Variants in CWF19L2 observed in about 807,000 individuals in gnomAD.
The protein encoded by CWF19L2 is CWF19 like cell cycle control factor 2.
A neutral mutation model predicts 111.7 loss-of-function variants in CWF19L2; 98 were observed. That is an observed-to-expected ratio of 0.88 (90% CI 0.75 to 1.04). The LOEUF (loss-of-function observed/expected upper bound fraction) is 1.04. Among genes scored for constraint, CWF19L2 ranks in the 50% least tolerant of loss-of-function variants. The pLI is 0.00. For synonymous variants in CWF19L2, 351 were observed against 342.9 expected, an observed-to-expected ratio of 1.02 and a Z score of -0.26; for missense variants, 1,101 against 1,051.4, an observed-to-expected ratio of 1.05 and a Z score of -0.65.
intron 10 of CWF19L2, among the ~76,000 whole-genome samples, chr11:107,414,043 T>C (rs935163687): frequency 6.6e-6 from 1 of 152,302 alleles, no homozygotes; most frequent in South Asian, 2.1e-4. Context: ...ACCAGTTGTA[T>C]ACCTGGACAA....
At chr11:107,403,294 C>A in intron 10 of CWF19L2, 3 of 454,812 alleles carry the variant, frequency 6.6e-6, no homozygotes, top group South Asian at 2.8e-5. Context: ...CTTCAGAGTC[C>A]AGTCATTCTA....
intron 4 of CWF19L2, among the ~76,000 whole-genome samples, chr11:107,442,193 C>T (rs891337504): frequency 6.6e-6 from 1 of 152,044 alleles, no homozygotes; most frequent in African/African-American, 2.4e-5. Flanking sequence ...CTCTAAGGAA[C>T]GAGAATAGAG....
chr11:107,376,249 C>T (rs1236404694), intron 12 of CWF19L2, among the ~76,000 whole-genome samples: 1 of 101,990 alleles, frequency 9.8e-6, no homozygotes, highest in African/African-American at 4.7e-5. Flanking sequence ...AGGGAATCCT[C>T]CCTAACTCAT....
At chr11:107,373,623 T>C (rs147846169) in intron 12 of CWF19L2, among the ~76,000 whole-genome samples, 7 of 127,270 alleles carry the variant, frequency 5.5e-5, no homozygotes, top group South Asian at 2.8e-4. Flanking sequence ...CATCTGTACA[T>C]CACCATCATC....
intron 12 of CWF19L2, among the ~76,000 whole-genome samples, chr11:107,382,711 C>T (rs1860706666): frequency 6.6e-6 from 1 of 152,218 alleles, no homozygotes; most frequent in Non-Finnish European, 1.5e-5. Flanking sequence ...TGATTCATAA[C>T]TCCCATAGCT....
intron 12 of CWF19L2, among the ~76,000 whole-genome samples, chr11:107,376,980 CAGAG>C (rs1860609033): frequency 1.7e-4 from 1 of 5,892 alleles, no homozygotes; most frequent in Admixed American, 1.7e-3. Flanking sequence ...AACAGACAAA[CAGAG>C]AGCCAAATCA....
At chr11:107,339,470 T>C (rs1201834029) in intron 14 of CWF19L2, among the ~76,000 whole-genome samples, 1 of 152,158 alleles carries the variant, frequency 6.6e-6, no homozygotes, top group African/African-American at 2.4e-5. Context: ...AGCAATTCTG[T>C]TTCTCCATAT....
intron 14 of CWF19L2, among the ~76,000 whole-genome samples, chr11:107,348,018 A>G (rs1860106188): frequency 6.6e-6 from 1 of 152,148 alleles, no homozygotes; most frequent in East Asian, 1.9e-4. Flanking sequence ...ATCCACTACT[A>G]GGAAAACGCA....
chr11:107,407,830 C>G (rs901357994), intron 10 of CWF19L2, among the ~76,000 whole-genome samples: 1 of 151,956 alleles, frequency 6.6e-6, no homozygotes, highest in Non-Finnish European at 1.5e-5. Flanking sequence ...AAATACTGTT[C>G]ATAACACAAT....
At chr11:107,337,562 G>A (rs906708613) in intron 14 of CWF19L2, among the ~76,000 whole-genome samples, 1 of 152,114 alleles carries the variant, frequency 6.6e-6, no homozygotes, top group African/African-American at 2.4e-5. Context: ...GCTGAAGGCT[G>A]GATGCCAGAG....
At chr11:107,375,941 G>A (rs867829972) in intron 12 of CWF19L2, among the ~76,000 whole-genome samples, 1 of 85,152 alleles carries the variant, frequency 1.2e-5, no homozygotes, top group Non-Finnish European at 2.2e-5. Context: ...TATCACCACC[G>A]ATCCCACAGA....
In CWF19L2 at chr11:107,363,056, T is replaced by A. The variant is rs1030197538; in HGVS notation, c.1873-9320A>T. On this transcript the variant is annotated intron_variant, in intron 12 of 17. Transcript: ENST00000282251. ...AGCCTCAGGAGCTGATGAGATCAAC[T>A]GGAAGAAAGGGTATCAGCGATGGAA... Among the ~76,000 whole-genome samples the A allele has an allele frequency of 6.6e-5, 10 of 152,156 alleles. No homozygotes were observed. The East Asian group carries it at 1.7e-3, about 26-fold the overall frequency.
chr11:107,455,317 A>T (rs1468383529), intron 2 of CWF19L2, among the ~76,000 whole-genome samples: 2 of 152,092 alleles, frequency 1.3e-5, no homozygotes, highest in Non-Finnish European at 2.9e-5. Flanking sequence ...AATAATTTTT[A>T]AAAAAATTAT....
In CWF19L2 at chr11:107,330,015, G is replaced by C. The variant is rs1176307430; in HGVS notation, c.2444C>G (p.Pro815Arg). The change falls in exon 17 of 18, where the codon CCC (proline) becomes CGC (arginine). Residue 815 changes from proline (P) to arginine (R), a missense_variant. By Grantham distance (103) the Pro-to-Arg change is moderately radical. Coordinates refer to ENST00000282251, the MANE Select transcript of CWF19L2 (RefSeq NM_152434.3). ...LSSKDIRKSV[P>R]RGLPYFSVDF... The stretch of plus-strand genomic sequence containing the variant: ...CACAGAGAAGTAAGGTAACCCTCTG[G>C]GTACCTAAATAAACAGACAAATCAC... 11 of 1,556,858 alleles carry C rather than the reference G, an allele frequency of 7.1e-6. 1 individual carries two copies. Among genetic ancestry groups the C allele is most frequent in the African/African-American group, 1.4e-5 (1 of 72,988 alleles).
In CWF19L2 at chr11:107,416,283, G is replaced by C. The variant is rs1419908342; in HGVS notation, c.1543C>G (p.Leu515Val). 2 of 1,456,134 alleles carry C rather than the reference G, an allele frequency of 1.4e-6. No homozygotes were observed. The highest frequency in any genetic ancestry group is 2.3e-5 in the Admixed American group (1 of 43,212). 90.2% of individuals were successfully genotyped at this position (1,456,134 alleles called of 1,614,324 possible). A position where few individuals can be genotyped will look rare whatever the true frequency, so the allele number is the denominator to read the frequency against. ...TTTGCCTTTTCAAGTTGAACTTTAA[G>C]TTGTTCAGCTAATTCCTTCAAAAAG... ...MMGNMELAEQ[L>V]KVQLEKANKF... The change falls in exon 10 of 18, where the codon CTT (leucine) becomes GTT (valine). Residue 515 changes from leucine (L) to valine (V), a missense_variant. Transcript: ENST00000282251.
rs150391609 is a variant in CWF19L2 at position 107,452,712 on chromosome 11, C to T, written c.339+1738G>A. 4.5e-3 allele frequency among the ~76,000 whole-genome samples: 687 copies of T among 152,184 alleles called. 4 individuals are homozygous for T. The highest frequency in any genetic ancestry group is 0.015 in the African/African-American group (639 of 41,502). ...ACTTCTAGGGAAAAAAAATAGGAGGCCAAGCATGGTGGCTCACACCCGTAA... is the reference window on the plus strand; with the variant it reads ...ACTTCTAGGGAAAAAAAATAGGAGGTCAAGCATGGTGGCTCACACCCGTAA... On this transcript the variant is annotated intron_variant, in intron 3 of 17. Coordinates refer to ENST00000282251, the MANE Select transcript of CWF19L2 (RefSeq NM_152434.3).
At position 107,427,892 on chromosome 11, in the gene CWF19L2, C is replaced by T. The variant is rs535010880; in HGVS notation, c.1433+907G>A. Among the ~76,000 whole-genome samples the T allele has an allele frequency of 7.9e-5, 12 of 152,200 alleles. No individual in the cohort carries two copies. The East Asian group carries it at 2.3e-3, about 29-fold the overall frequency. ...CAGCTCCCTCCCACCGAAAATTACA[C>T]ACTGAGTTTTATAATCCACTGCTTC... is the stretch of plus-strand genomic sequence containing the variant. On this transcript the variant is annotated intron_variant, in intron 8 of 17. Transcript: ENST00000282251.
Position 107,336,715 on chromosome 11 carries a change from T to TAAA in CWF19L2, c.2203-5_2203-3dup. The TAAA allele has an allele frequency of 6.0e-6, 7 of 1,174,686 alleles. No individual in the cohort carries two copies. The highest frequency in any genetic ancestry group is 3.6e-5 in the Admixed American group (1 of 27,914). The allele number at this position is 1,174,686 out of a possible 1,614,324, so 72.8% of individuals were successfully genotyped here. ...CTTTACCAATGATTTTCTGAACATCTAAAAAAAAAAAAGAACTAGGTAAAG... is the reference window on the plus strand; with the variant it reads ...CTTTACCAATGATTTTCTGAACATCTAAAAAAAAAAAAAAAGAACTAGGTAAAG... On this transcript the variant is annotated splice_polypyrimidine_tract_variant and splice_region_variant and intron_variant, in intron 14 of 17. Transcript: ENST00000282251.
chr11:107,383,476 T>C (rs1005754026), intron 12 of CWF19L2, among the ~76,000 whole-genome samples: 3 of 152,224 alleles, frequency 2.0e-5, no homozygotes, highest in African/African-American at 7.2e-5. Flanking sequence ...TCTCTACACA[T>C]CTTTTTCAGG....
Sources: allele counts gnomAD v4.1 joint callset (sites outside exome capture counted in the v4.1 genomes callset), GRCh38; gene constraint gnomAD v4.1.1; transcripts MANE v1.5; gene names NCBI Gene and HGNC (gene_info 2026-07-23, HGNC 2026-07-21).